The following SGCZ variants were observed in gnomAD, a reference collection of about 807,000 sequenced individuals.
SGCZ encodes sarcoglycan zeta, also known as zeta-sarcoglycan.
Under a neutral mutation model 41.3 loss-of-function variants are expected in SGCZ, and 40 were observed. The ratio of observed to expected loss-of-function variants is 0.97; its 90% CI spans 0.75 to 1.26. The LOEUF is 1.26. Among genes scored for constraint, SGCZ ranks in the 50% most tolerant of loss-of-function variants. The probability of loss-of-function intolerance (pLI) is 0.00; values close to 1 mark genes in which losing one functional copy is unlikely to be tolerated. For synonymous variants in SGCZ, 206 were observed against 137.5 expected (o/e 1.50, Z -3.49); for missense variants, 552 against 369.8 (o/e 1.49, Z -4.04).
At chr8:14,248,539 TAAG>T (rs546186784) in intron 3 of SGCZ, among the ~76,000 whole-genome samples, 456 of 152,274 alleles carry the variant, frequency 3.0e-3, no homozygotes, top group Admixed American at 7.2e-3. Context: ...GTAAAAAGAA[TAAG>T]AAGACTCTGT....
At chr8:15,005,095 G>C (rs890680467) in intron 1 of SGCZ, among the ~76,000 whole-genome samples, 1 of 152,110 alleles carries the variant, frequency 6.6e-6, no homozygotes, top group Non-Finnish European at 1.5e-5. Context: ...GGCTTCCTAA[G>C]GGAAAGGAAG....
chr8:14,966,044 C>A (rs935049843), intron 1 of SGCZ, among the ~76,000 whole-genome samples: 2 of 151,904 alleles, frequency 1.3e-5, no homozygotes, highest in African/African-American at 4.8e-5. Context: ...ACTTAGTTAA[C>A]TAATGAATTT....
chr8:14,099,044 T>C (rs1434484100), intron 7 of SGCZ, among the ~76,000 whole-genome samples: 5 of 152,194 alleles, frequency 3.3e-5, no homozygotes, highest in South Asian at 2.1e-4. Context: ...TTTTTTATAA[T>C]AGATAAATTG....
chr8:14,858,635 G>T (rs928499132), intron 1 of SGCZ, among the ~76,000 whole-genome samples: 1 of 152,050 alleles, frequency 6.6e-6, no homozygotes, highest in African/African-American at 2.4e-5. Context: ...ACCTATAAAC[G>T]AACCTTTCCT....
chr8:14,239,738 T>C (rs57398693), intron 3 of SGCZ, among the ~76,000 whole-genome samples: 5 of 150,324 alleles, frequency 3.3e-5, no homozygotes, highest in African/African-American at 1.2e-4. Context: ...CCGTCTCTAC[T>C]AAAAATACAA....
chr8:14,993,405 T>C (rs534477801), intron 1 of SGCZ, among the ~76,000 whole-genome samples: 6 of 152,200 alleles, frequency 3.9e-5, no homozygotes, highest in Non-Finnish European at 8.8e-5. Context: ...TGAAAATCTC[T>C]GGCCCATATA....
intron 1 of SGCZ, among the ~76,000 whole-genome samples, chr8:14,726,891 A>T (rs1277300693): frequency 6.6e-6 from 1 of 152,140 alleles, no homozygotes; most frequent in Non-Finnish European, 1.5e-5. Flanking sequence ...TATTCAACAA[A>T]TAGCAAAGAA....
chr8:14,604,957 G>A (rs1805702821), intron 1 of SGCZ, among the ~76,000 whole-genome samples: 1 of 152,110 alleles, frequency 6.6e-6, no homozygotes, highest in African/African-American at 2.4e-5. Context: ...TTTGCAACAT[G>A]GAAATATTAA....
At chr8:14,136,880 A>C (rs1803215754) in intron 5 of SGCZ, among the ~76,000 whole-genome samples, 1 of 152,176 alleles carries the variant, frequency 6.6e-6, no homozygotes, top group Non-Finnish European at 1.5e-5. Context: ...AGTAGTCTAA[A>C]TGGGAAACAC....
chr8:14,488,338 G>C (rs183716333), intron 2 of SGCZ, among the ~76,000 whole-genome samples: 1 of 128,092 alleles, frequency 7.8e-6, no homozygotes, highest in African/African-American at 2.9e-5. Context: ...CATCGCCACG[G>C]TTAAAGTAAG....
rs112793037 is a variant in SGCZ at position 14,740,943 on chromosome 8, C to G, written c.40-186017G>C. Among the ~76,000 whole-genome samples, 97 of 152,128 alleles carry G rather than the reference C, an allele frequency of 6.4e-4. 1 individual carries two copies. The highest frequency in any genetic ancestry group is 2.2e-3 in the African/African-American group (90 of 41,534). On this transcript the variant is annotated intron_variant, in intron 1 of 7. Transcript: ENST00000382080. ...GATAACTCAGGATAAAGAAAGAAAACTATTATTCTGCAACATATACCATCC... is the reference window on the plus strand; with the variant it reads ...GATAACTCAGGATAAAGAAAGAAAAGTATTATTCTGCAACATATACCATCC...
intron 1 of SGCZ, among the ~76,000 whole-genome samples, chr8:14,997,719 G>A (rs1368755950): frequency 6.6e-6 from 1 of 152,144 alleles, no homozygotes; most frequent in African/African-American, 2.4e-5. Flanking sequence ...CAGCACTTTT[G>A]GAGGCCAAGG....
intron 1 of SGCZ, 120 bp from the exon 2 acceptor site, chr8:14,555,046 A>C (rs1585075864): frequency 1.2e-6 from 1 of 824,944 alleles, no homozygotes; most frequent in East Asian, 2.6e-5. Flanking sequence ...GGCAGTGAGC[A>C]TTCAAATAAC....
chr8:14,778,323 T>C (rs1346819312), intron 1 of SGCZ, among the ~76,000 whole-genome samples: 1 of 152,170 alleles, frequency 6.6e-6, no homozygotes, highest in Non-Finnish European at 1.5e-5. Flanking sequence ...GAATAGGATT[T>C]CTCAAGAGAG....
intron 5 of SGCZ, among the ~76,000 whole-genome samples, chr8:14,123,424 C>A (rs1436416918): frequency 6.6e-6 from 1 of 152,096 alleles, no homozygotes; most frequent in Non-Finnish European, 1.5e-5. Context: ...GGAAAATGAT[C>A]CTATAAATGA....
chr8:15,122,583 C>T (rs574686205), intron 1 of SGCZ, among the ~76,000 whole-genome samples: 10 of 151,974 alleles, frequency 6.6e-5, no homozygotes, highest in African/African-American at 2.4e-4. Flanking sequence ...AAGAAGACAG[C>T]GAATAAAAAG....
At chr8:14,872,846 C>T (rs1289862123) in intron 1 of SGCZ, among the ~76,000 whole-genome samples, 4 of 152,052 alleles carry the variant, frequency 2.6e-5, no homozygotes, top group African/African-American at 4.8e-5. Flanking sequence ...CTGACTTAAC[C>T]ATAGTAGATT....
chr8:15,110,118 C>T (rs1806989192), intron 1 of SGCZ, among the ~76,000 whole-genome samples: 2 of 151,976 alleles, frequency 1.3e-5, no homozygotes, highest in Non-Finnish European at 2.9e-5. Flanking sequence ...TTCATAAAGC[C>T]AATGGCACGT....
At chr8:14,967,349 G>C (rs2130859684) in intron 1 of SGCZ, among the ~76,000 whole-genome samples, 1 of 152,162 alleles carries the variant, frequency 6.6e-6, no homozygotes, top group Non-Finnish European at 1.5e-5. Flanking sequence ...AACTGCCCAT[G>C]GTGCACACAC....
Sources: allele counts gnomAD v4.1 joint callset (sites outside exome capture counted in the v4.1 genomes callset), GRCh38; gene constraint gnomAD v4.1.1; transcripts MANE v1.5; gene names NCBI Gene and HGNC (gene_info 2026-07-23, HGNC 2026-07-21).